TMEM87A: variants seen among roughly 807,000 people sequenced by gnomAD.
TMEM87A encodes the protein Golgi-pH regulating cation channel.
A neutral mutation model predicts 90.0 loss-of-function variants in TMEM87A; 50 were observed. The observed-to-expected ratio is 0.56, with a 90% CI of 0.44 to 0.70. TMEM87A has a LOEUF of 0.70. Among genes scored for constraint, TMEM87A ranks in the 30% least tolerant of loss-of-function variants. The probability of loss-of-function intolerance (pLI) is 0.00; values close to 1 mark genes in which losing one functional copy is unlikely to be tolerated. For missense variants in TMEM87A, 577 were observed against 660.5 expected, an observed-to-expected ratio of 0.87 and a Z score of 1.39; for synonymous variants, 226 against 226.7, an observed-to-expected ratio of 1.00 and a Z score of 0.03.
At chr15:42,257,504 T>C (rs934008310) in intron 6 of TMEM87A, among the ~76,000 whole-genome samples, 1 of 152,158 alleles carries the variant, frequency 6.6e-6, no homozygotes, top group Non-Finnish European at 1.5e-5. Context: ...AATAAACCTC[T>C]TTTCTTTATA....
intron 3 of TMEM87A, among the ~76,000 whole-genome samples, chr15:42,265,251 T>C (rs1271161560): frequency 6.6e-6 from 1 of 152,212 alleles, no homozygotes; most frequent in Non-Finnish European, 1.5e-5. Flanking sequence ...GGTCAAATGG[T>C]AATTCTGTTT....
chr15:42,218,224 A>G lies in TMEM87A; in HGVS notation c.1595+99T>C, dbSNP rs1364563797. The G allele has an allele frequency of 3.4e-4, 391 of 1,145,650 alleles. 2 individuals are homozygous for G. The highest frequency in any genetic ancestry group is 2.8e-5 in the Non-Finnish European group (22 of 789,018). 71.0% of individuals were successfully genotyped at this position (1,145,650 alleles called of 1,614,324 possible). The stretch of plus-strand genomic sequence containing the variant: ...CCTATTCTTTTAATTATTTTTCAGT[A>G]TCTTGTATTTTCATGAGTATAACTT... On this transcript the variant is annotated intron_variant, in intron 18 of 19. Coordinates refer to ENST00000389834, the MANE Select transcript of TMEM87A (RefSeq NM_015497.5).
intron 7 of TMEM87A, among the ~76,000 whole-genome samples, chr15:42,242,061 TA>T (rs1261925799): frequency 7.9e-6 from 1 of 126,868 alleles, no homozygotes; most frequent in Non-Finnish European, 1.6e-5. Flanking sequence ...AGTGAGACTC[TA>T]TCTCAAAAAA....
At position 42,258,172 on chromosome 15, in the gene TMEM87A, C is replaced by T. The variant is rs373569825; in HGVS notation, c.504+2786G>A. 1.2e-4 allele frequency: 119 copies of T among 975,402 alleles called. 1 individual carries two copies. The South Asian group carries it at 2.4e-3, about 20-fold the overall frequency. The allele number at this position is 975,402 out of a possible 1,614,324, so 60.4% of individuals were successfully genotyped here. ...AGACACTATACAAGCATTTAAGTAACGATGCAATACAATATTTACCAAACT... is the reference window on the plus strand; with the variant it reads ...AGACACTATACAAGCATTTAAGTAATGATGCAATACAATATTTACCAAACT... On this transcript the variant is annotated intron_variant, in intron 6 of 19. Coordinates refer to ENST00000389834, the MANE Select transcript of TMEM87A (RefSeq NM_015497.5).
intron 6 of TMEM87A, chr15:42,258,887 C>T (rs531224222): frequency 9.8e-5 from 146 of 1,496,040 alleles, no homozygotes; most frequent in African/African-American, 9.7e-4. Flanking sequence ...ATAAAAGCAA[C>T]GAAAACACTG....
At position 42,217,784 on chromosome 15, in the gene TMEM87A, A is replaced by T; in HGVS notation, c.1626+19T>A. 6.2e-7 allele frequency: 1 copy of T among 1,610,846 alleles called. No homozygotes were observed. The highest frequency in any genetic ancestry group is 8.5e-7 in the Non-Finnish European group (1 of 1,178,710). On this transcript the variant is annotated intron_variant, in intron 19 of 19. Coordinates refer to ENST00000389834, the MANE Select transcript of TMEM87A (RefSeq NM_015497.5). ...TAGTCACCATATACATAATTTATGC[A>T]CGTGAATTGAGTACCAACCTCATCT...
At chr15:42,211,828 A>G in intron 19 of TMEM87A, 79 bp from the exon 20 acceptor site, 1 of 1,249,358 alleles carries the variant, frequency 8.0e-7, no homozygotes. Flanking sequence ...AGACTATCCA[A>G]GCAAACATCT....
At chr15:42,268,073 C>T in intron 2 of TMEM87A, 41 bp from the exon 3 acceptor site, 1 of 1,554,656 alleles carries the variant, frequency 6.4e-7, no homozygotes, top group Non-Finnish European at 8.9e-7. Flanking sequence ...GATAATTCCC[C>T]AACAAAGCAT....
In TMEM87A at chr15:42,211,626, C is replaced by G. The variant is rs932430152; in HGVS notation, c.*82G>C. 7.3e-7 allele frequency: 1 copy of G among 1,374,210 alleles called. No homozygotes were observed. Among genetic ancestry groups the G allele is most frequent in the Non-Finnish European group, 1.0e-6 (1 of 978,982 alleles). 85.1% of individuals were successfully genotyped at this position (1,374,210 alleles called of 1,614,324 possible). Reference sequence around the variant, plus strand: ...AGGATGTCATTGCTTCCTTTAATCCCATGGAGCCGTACAGAAGACTGACAC... The same window carrying G: ...AGGATGTCATTGCTTCCTTTAATCCGATGGAGCCGTACAGAAGACTGACAC... On this transcript the variant is annotated 3_prime_UTR_variant, in exon 20 of 20. Coordinates refer to ENST00000389834, the MANE Select transcript of TMEM87A (RefSeq NM_015497.5).
intron 12 of TMEM87A, 86 bp from the exon 13 acceptor site, chr15:42,228,906 C>T: frequency 3.2e-6 from 3 of 933,210 alleles, no homozygotes; most frequent in Non-Finnish European, 4.9e-6. Flanking sequence ...GATCTGGGGT[C>T]ATGCCAATAA....
At chr15:42,229,666 C>G (rs2050654356) in intron 12 of TMEM87A, among the ~76,000 whole-genome samples, 1 of 152,126 alleles carries the variant, frequency 6.6e-6, no homozygotes, top group Non-Finnish European at 1.5e-5. Flanking sequence ...CCTGCACTAT[C>G]CTGAATTAAG....
intron 6 of TMEM87A, chr15:42,259,129 G>A (rs376869901): frequency 3.5e-4 from 219 of 628,868 alleles, no homozygotes; most frequent in African/African-American, 3.5e-3. Context: ...GGCAAAGGGG[G>A]TAGGGGAAGC....
chr15:42,217,345 T>C (rs2050400425), intron 19 of TMEM87A, among the ~76,000 whole-genome samples: 1 of 152,242 alleles, frequency 6.6e-6, no homozygotes, highest in African/African-American at 2.4e-5. Context: ...TTAGAGGTAC[T>C]AATTATAATC....
rs1372308796 is a variant in TMEM87A at position 42,268,077 on chromosome 15, A to G, written c.206-45T>C. On this transcript the variant is annotated intron_variant, in intron 2 of 19. Transcript: ENST00000389834. ...TGTTAACAAAAGATAATTCCCCAAC[A>G]AAGCATTTTTCCTAAGCTGTTAACC... The G allele has an allele frequency of 2.6e-6, 4 of 1,549,688 alleles. No homozygotes were observed. The Admixed American group carries it at 5.1e-5, about 20-fold the overall frequency.
At chr15:42,259,513 C>T (rs1465129890) in intron 6 of TMEM87A, among the ~76,000 whole-genome samples, 5 of 152,194 alleles carry the variant, frequency 3.3e-5, no homozygotes, top group South Asian at 2.1e-4. Flanking sequence ...GTGTCAACAA[C>T]CCTGTACTCA....
intron 12 of TMEM87A, among the ~76,000 whole-genome samples, 176 bp from the exon 13 acceptor site, chr15:42,228,996 C>T (rs1401635234): frequency 1.3e-5 from 2 of 152,002 alleles, no homozygotes; most frequent in Non-Finnish European, 2.9e-5. Flanking sequence ...ATAAGAAAGT[C>T]ATCATTTTAT....
chr15:42,236,920 A>C (rs1240707529), intron 9 of TMEM87A, among the ~76,000 whole-genome samples: 1 of 152,236 alleles, frequency 6.6e-6, no homozygotes, highest in Non-Finnish European at 1.5e-5. Flanking sequence ...TGACAAGAAA[A>C]AACTGAAGCA....
rs777713188 is a variant in TMEM87A at position 42,264,080 on chromosome 15, C to T, written c.405+10G>A. 1 of 1,604,184 alleles carries T rather than the reference C, an allele frequency of 6.2e-7. No homozygotes were observed. The highest frequency in any genetic ancestry group is 1.1e-5 in the South Asian group (1 of 89,846). On this transcript the variant is annotated intron_variant, in intron 4 of 19. Transcript: ENST00000389834. ...TATTCTATTTATCTCCAATCACTTT[C>T]AAAGATTACCTGTGTTTTAAAGAGT...
intron 6 of TMEM87A, chr15:42,258,980 G>A (rs1340101145): frequency 3.4e-6 from 3 of 894,102 alleles, no homozygotes; most frequent in East Asian, 2.6e-5. Context: ...CTTCAAGAAA[G>A]GCATCTGAAT....
Sources: allele counts gnomAD v4.1 joint callset (sites outside exome capture counted in the v4.1 genomes callset), GRCh38; gene constraint gnomAD v4.1.1; transcripts MANE v1.5; gene names NCBI Gene and HGNC (gene_info 2026-07-23, HGNC 2026-07-21).